CTNNA2: variants seen among roughly 807,000 people sequenced by gnomAD.
CTNNA2 encodes the protein catenin alpha 2.
In CTNNA2, 42 loss-of-function variants were observed where a neutral mutation model predicts 101.0. The ratio of observed to expected loss-of-function variants is 0.42; its 90% CI spans 0.32 to 0.54. The LOEUF is 0.54. Ranked by LOEUF, CTNNA2 falls within the 20% of genes least tolerant of loss-of-function variation. CTNNA2 has a pLI of 0.14. For synonymous variants in CTNNA2, 450 were observed against 456.4 expected, an observed-to-expected ratio of 0.99 and a Z score of 0.18; for missense variants, 871 against 1,223.1, an observed-to-expected ratio of 0.71 and a Z score of 4.29.
chr2:79,507,120 T>C (rs1671430063), intron 5 of CTNNA2, among the ~76,000 whole-genome samples: 1 of 152,128 alleles, frequency 6.6e-6, no homozygotes, highest in Non-Finnish European at 1.5e-5. Context: ...TTCGTGATTA[T>C]GGGAAAGAAA....
intron 3 of CTNNA2, among the ~76,000 whole-genome samples, chr2:79,824,679 G>A (rs544673155): frequency 1.4e-4 from 21 of 151,984 alleles, no homozygotes; most frequent in Non-Finnish European, 2.6e-4. Flanking sequence ...ATTCTAGAGG[G>A]GCAAGTGAGA....
At chr2:79,674,650 C>A (rs1271194287) in intron 2 of CTNNA2, among the ~76,000 whole-genome samples, 1 of 152,004 alleles carries the variant, frequency 6.6e-6, no homozygotes, top group Non-Finnish European at 1.5e-5. Context: ...AGTATGTAGA[C>A]CGCCTATGTA....
chr2:79,755,416 A>C (rs1672331280), intron 3 of CTNNA2, among the ~76,000 whole-genome samples: 1 of 152,172 alleles, frequency 6.6e-6, no homozygotes, highest in South Asian at 2.1e-4. Context: ...GTCGTTCTTG[A>C]GTCTATGAGT....
intron 9 of CTNNA2, among the ~76,000 whole-genome samples, chr2:80,484,745 A>T (rs142269328): frequency 6.6e-6 from 1 of 152,262 alleles, no homozygotes; most frequent in Admixed American, 6.5e-5. Context: ...AGTGACTCAC[A>T]CCTGTAATCC....
At chr2:79,997,869 C>T (rs1444777481) in intron 7 of CTNNA2, among the ~76,000 whole-genome samples, 2 of 152,098 alleles carry the variant, frequency 1.3e-5, no homozygotes, top group African/African-American at 4.8e-5. Context: ...CTAAGTTAGC[C>T]ACCTGCCTGG....
intron 4 of CTNNA2, among the ~76,000 whole-genome samples, chr2:79,460,868 G>T (rs767886998): frequency 1.3e-5 from 2 of 151,872 alleles, no homozygotes; most frequent in East Asian, 1.9e-4. Context: ...TCGAGACAGG[G>T]TCTTGCTATG....
At chr2:79,988,480 G>C (rs1273452426) in intron 7 of CTNNA2, among the ~76,000 whole-genome samples, 3 of 149,618 alleles carry the variant, frequency 2.0e-5, no homozygotes, top group Non-Finnish European at 4.4e-5. Flanking sequence ...GTGTGTGTGT[G>C]TGTGTGTGTG....
intron 3 of CTNNA2, among the ~76,000 whole-genome samples, chr2:79,360,520 G>A (rs915709017): frequency 1.2e-4 from 19 of 152,078 alleles, no homozygotes; most frequent in Admixed American, 7.9e-4. Flanking sequence ...GGAAGCATTT[G>A]GACTTATTTT....
intron 11 of CTNNA2, among the ~76,000 whole-genome samples, chr2:80,548,605 G>A (rs1031616628): frequency 2.0e-5 from 3 of 152,134 alleles, no homozygotes; most frequent in Non-Finnish European, 2.9e-5. Context: ...CAAGTGCCAC[G>A]GCATGCCATG....
intron 3 of CTNNA2, among the ~76,000 whole-genome samples, chr2:79,795,793 A>G (rs114442981): frequency 1.7e-3 from 263 of 152,352 alleles, no homozygotes; most frequent in African/African-American, 5.8e-3. Context: ...CAACACTACT[A>G]TGAGAAAATG....
intron 3 of CTNNA2, among the ~76,000 whole-genome samples, chr2:79,804,465 A>C (rs1676410209): frequency 6.6e-6 from 1 of 152,198 alleles, no homozygotes; most frequent in South Asian, 2.1e-4. Flanking sequence ...GAAAATATAT[A>C]GTTCTTATTT....
chr2:80,300,918 G>A (rs1270448192), intron 7 of CTNNA2, among the ~76,000 whole-genome samples: 2 of 151,636 alleles, frequency 1.3e-5, no homozygotes, highest in East Asian at 3.9e-4. Context: ...CCTATGAGGG[G>A]TGAGAAGGAG....
intron 7 of CTNNA2, among the ~76,000 whole-genome samples, chr2:80,036,823 T>TTG (rs1213433697): frequency 0.016 from 2,187 of 134,674 alleles, 60 homozygotes; most frequent in African/African-American, 0.055. Flanking sequence ...GTGTGTGTGT[T>TTG]TGTGTGTGTG....
rs1237061323 is a variant in CTNNA2, at chr2:80,271,189, C to G, written c.1057-122022C>G. Among the ~76,000 whole-genome samples, 3 of 152,202 alleles carry G rather than the reference C, an allele frequency of 2.0e-5. No homozygotes were observed. In the East Asian group the frequency reaches 5.8e-4, roughly 29 times the overall value. On this transcript the variant is annotated intron_variant, in intron 7 of 18. Coordinates refer to ENST00000402739, the MANE Select transcript of CTNNA2 (RefSeq NM_001282597.3). ...TATATCTAATAGCAATAAAGAGAGT[C>G]TGTCTTTATCCCCCCCTTGGGTCAT...
At chr2:79,914,587 A>AT (rs113369037) in intron 7 of CTNNA2, among the ~76,000 whole-genome samples, 9 of 151,874 alleles carry the variant, frequency 5.9e-5, no homozygotes, top group Admixed American at 5.9e-4. Flanking sequence ...TGTAGCTCGA[A>AT]TTTTTTTTAA....
intron 4 of CTNNA2, among the ~76,000 whole-genome samples, chr2:79,413,094 C>T (rs779403313): frequency 2.6e-5 from 4 of 152,024 alleles, no homozygotes; most frequent in East Asian, 3.9e-4. Flanking sequence ...CTTCCATCCC[C>T]CAACCTCTGG....
At chr2:80,589,507 C>T (rs770378458) in intron 15 of CTNNA2, 22 bp downstream of exon 15, 1 of 1,604,832 alleles carries the variant, frequency 6.2e-7, no homozygotes, top group East Asian at 2.2e-5. Flanking sequence ...AGCCAGGGAG[C>T]TGAAGATTTT....
intron 3 of CTNNA2, among the ~76,000 whole-genome samples, chr2:79,766,516 G>T (rs12611779): frequency 4.0e-5 from 6 of 151,858 alleles, no homozygotes; most frequent in African/African-American, 1.2e-4. Flanking sequence ...AGTTTTCTTT[G>T]GGTTAAATCT....
At chr2:79,298,282 T>A (rs544011512) in intron 2 of CTNNA2, among the ~76,000 whole-genome samples, 9 of 152,156 alleles carry the variant, frequency 5.9e-5, no homozygotes, top group African/African-American at 2.2e-4. Flanking sequence ...CTTTTAACAA[T>A]CAGATCTCTC....
Sources: allele counts gnomAD v4.1 joint callset (sites outside exome capture counted in the v4.1 genomes callset), GRCh38; gene constraint gnomAD v4.1.1; transcripts MANE v1.5; gene names NCBI Gene and HGNC (gene_info 2026-07-23, HGNC 2026-07-21).